PANK1: variants seen among roughly 807,000 people sequenced by gnomAD.
PANK1 encodes the protein pantothenate kinase 1, also known as pantothenic acid kinase 1.
PANK1 carries 18 observed loss-of-function variants against 40.1 expected under a neutral mutation model. The ratio of observed to expected loss-of-function variants is 0.45; its 90% CI spans 0.31 to 0.67. The LOEUF (loss-of-function observed/expected upper bound fraction) is 0.67, where lower values mean the gene tolerates loss of function less well. PANK1 is among the 30% of genes least tolerant of loss of function. PANK1 has a pLI of 0.06. For missense variants in PANK1, 457 were observed against 599.6 expected, an observed-to-expected ratio of 0.76 and a Z score of 2.48; for synonymous variants, 242 against 237.7, an observed-to-expected ratio of 1.02 and a Z score of -0.17.
intron 5 of PANK1, among the ~76,000 whole-genome samples, chr10:89,590,646 T>C (rs1476210343): frequency 6.6e-6 from 1 of 152,120 alleles, no homozygotes; most frequent in African/African-American, 2.4e-5. Context: ...TTTTAAATAA[T>C]AGTAAAAGAC....
chr10:89,617,782 C>T (rs1031453661), intron 1 of PANK1, among the ~76,000 whole-genome samples: 1 of 152,082 alleles, frequency 6.6e-6, no homozygotes, highest in Non-Finnish European at 1.5e-5. Flanking sequence ...ACAAGTATGC[C>T]TAGAAGGAAT....
intron 2 of PANK1, among the ~76,000 whole-genome samples, chr10:89,599,849 T>C (rs1477316792): frequency 2.6e-5 from 4 of 152,202 alleles, no homozygotes; most frequent in Non-Finnish European, 5.9e-5. Flanking sequence ...AAAAGGGTCT[T>C]TGCAGATCTA....
intron 1 of PANK1, among the ~76,000 whole-genome samples, chr10:89,618,872 C>G (rs1444991230): frequency 6.6e-6 from 1 of 152,242 alleles, no homozygotes; most frequent in Non-Finnish European, 1.5e-5. Context: ...CTTCCAGCCA[C>G]CTTTCAATGA....
In PANK1 at chr10:89,599,254, G is replaced by C. The variant is rs1316542238; in HGVS notation, c.897C>G (p.Thr299=). Residue 299 remains threonine, a splice_region_variant and synonymous_variant, in exon 3 of 7, where the codon ACC becomes ACG. Coordinates refer to ENST00000307534, the MANE Select transcript of PANK1 (RefSeq NM_148977.3). ...AGCACAAGCAGAAACATGTTTACCT[G>C]GTCCCTGTAACTCTTTTATAGTTGT... The part of the protein sequence containing the change: ...SKDNYKRVTG[T]SLGGGTFLGL... 2 of 1,613,058 alleles carry C rather than the reference G, an allele frequency of 1.2e-6. No homozygotes were observed. Among genetic ancestry groups the C allele is most frequent in the Non-Finnish European group, 8.5e-7 (1 of 1,179,462 alleles).
At chr10:89,588,853 G>T in intron 5 of PANK1, 76 bp from the exon 6 acceptor site, 1 of 1,018,536 alleles carries the variant, frequency 9.8e-7, no homozygotes, top group Non-Finnish European at 1.4e-6. Context: ...TGTTCTGTAT[G>T]TCTCTGTACA....
intron 1 of PANK1, 68 bp from the exon 2 acceptor site, chr10:89,612,116 T>G: frequency 1.6e-6 from 2 of 1,278,356 alleles, no homozygotes; most frequent in South Asian, 2.8e-5. Context: ...TTTTTGAATA[T>G]TAAATAAGCA....
chr10:89,631,421 C>T (rs1841637450), intron 1 of PANK1, among the ~76,000 whole-genome samples: 1 of 152,092 alleles, frequency 6.6e-6, no homozygotes, highest in African/African-American at 2.4e-5. Context: ...TTAGCAACAC[C>T]CCTTCTTTAA....
intron 2 of PANK1, among the ~76,000 whole-genome samples, chr10:89,600,511 A>G (rs1844744985): frequency 6.6e-6 from 1 of 152,260 alleles, no homozygotes; most frequent in Non-Finnish European, 1.5e-5. Flanking sequence ...TGTGAAGATT[A>G]CCTAAAAATA....
At chr10:89,620,147 T>C (rs1358530021) in intron 1 of PANK1, among the ~76,000 whole-genome samples, 1 of 152,246 alleles carries the variant, frequency 6.6e-6, no homozygotes, top group Admixed American at 6.5e-5. Context: ...TTGATTGCGT[T>C]AACTGCACAA....
At chr10:89,636,342 T>TA (rs201120475) in intron 1 of PANK1, among the ~76,000 whole-genome samples, 57,162 of 149,250 alleles carry the variant, frequency 0.38, 11,989 homozygotes, top group East Asian at 0.53. Context: ...TTATTATTAT[T>TA]TTTAATTTTT....
At chr10:89,588,940 T>A (rs954718610) in intron 5 of PANK1, among the ~76,000 whole-genome samples, 163 bp from the exon 6 acceptor site, 2 of 152,180 alleles carry the variant, frequency 1.3e-5, no homozygotes, top group Non-Finnish European at 2.9e-5. Flanking sequence ...TAAACCAACC[T>A]TATAGTGCAT....
At chr10:89,605,296 A>G (rs1048936917) in intron 2 of PANK1, among the ~76,000 whole-genome samples, 2 of 152,138 alleles carry the variant, frequency 1.3e-5, no homozygotes, top group Admixed American at 6.5e-5. Flanking sequence ...TCTTTTCACA[A>G]AAGATTTCTC....
At chr10:89,623,728 C>T (rs1845575696) in intron 1 of PANK1, among the ~76,000 whole-genome samples, 1 of 152,158 alleles carries the variant, frequency 6.6e-6, no homozygotes, top group African/African-American at 2.4e-5. Context: ...CTTCTCTTCT[C>T]ATGCAACAGC....
At chr10:89,639,388 C>A in intron 1 of PANK1, 1 of 276,526 alleles carries the variant, frequency 3.6e-6, no homozygotes, top group Non-Finnish European at 7.8e-6. Flanking sequence ...GATTACATTT[C>A]CAACACATGA....
intron 2 of PANK1, among the ~76,000 whole-genome samples, chr10:89,599,780 C>T (rs1019664193): frequency 1.3e-5 from 2 of 152,068 alleles, no homozygotes; most frequent in Non-Finnish European, 2.9e-5. Context: ...GAATGGTGGT[C>T]CCTGAAAGAT....
chr10:89,614,552 C>T (rs1240974845), intron 1 of PANK1, among the ~76,000 whole-genome samples: 1 of 152,048 alleles, frequency 6.6e-6, no homozygotes, highest in African/African-American at 2.4e-5. Context: ...AATCCTAGCA[C>T]TTTGGGAGGC....
chr10:89,605,750 G>C (rs1844944433), intron 2 of PANK1, among the ~76,000 whole-genome samples: 2 of 152,052 alleles, frequency 1.3e-5, no homozygotes, highest in Admixed American at 6.6e-5. Flanking sequence ...ATCTAGAATA[G>C]TGAATCTTTT....
At chr10:89,621,700 G>A (rs1845491544) in intron 1 of PANK1, among the ~76,000 whole-genome samples, 1 of 151,916 alleles carries the variant, frequency 6.6e-6, no homozygotes, top group African/African-American at 2.4e-5. Context: ...TCTTACTTGA[G>A]CTATTTACTT....
At chr10:89,593,792 T>G in intron 4 of PANK1, 21 bp downstream of exon 4, 1 of 1,591,486 alleles carries the variant, frequency 6.3e-7, no homozygotes, top group Non-Finnish European at 8.6e-7. Context: ...TCACTACTGC[T>G]CCTAGCTACT....
Sources: allele counts gnomAD v4.1 joint callset (sites outside exome capture counted in the v4.1 genomes callset), GRCh38; gene constraint gnomAD v4.1.1; transcripts MANE v1.5; gene names NCBI Gene and HGNC (gene_info 2026-07-23, HGNC 2026-07-21).